Variants in ADAM19 observed in about 807,000 individuals in gnomAD.
The protein encoded by ADAM19 is disintegrin and metalloproteinase domain-containing protein 19.
Under a neutral mutation model 114.7 loss-of-function variants are expected in ADAM19, and 65 were observed. The observed-to-expected ratio is 0.57, with a 90% CI of 0.46 to 0.70. ADAM19 has a LOEUF of 0.70. ADAM19 is among the 30% of genes least tolerant of loss of function. The probability of loss-of-function intolerance (pLI) is 0.00; values close to 1 mark genes in which losing one functional copy is unlikely to be tolerated. For synonymous variants in ADAM19, 466 were observed against 460.5 expected (o/e 1.01, Z -0.15); for missense variants, 1,063 against 1,204.7 (o/e 0.88, Z 1.74).
At chr5:157,552,677 CAAAAAAA>C (rs778402112) in intron 3 of ADAM19, among the ~76,000 whole-genome samples, 1,712 of 59,414 alleles carry the variant, frequency 0.029, 34 homozygotes, top group African/African-American at 0.1. Context: ...GGACTCTACT[CAAAAAAA>C]AAAAAAAAAA....
At chr5:157,561,394 T>A (rs1354660572) in intron 3 of ADAM19, among the ~76,000 whole-genome samples, 1 of 152,136 alleles carries the variant, frequency 6.6e-6, no homozygotes, top group African/African-American at 2.4e-5. Context: ...CATTAATACG[T>A]GGGCTTTGAT....
At chr5:157,549,946 C>T (rs1341376738) in intron 3 of ADAM19, among the ~76,000 whole-genome samples, 2 of 152,174 alleles carry the variant, frequency 1.3e-5, no homozygotes, top group African/African-American at 4.8e-5. Flanking sequence ...CATACTACAA[C>T]ACGAATAAAC....
intron 4 of ADAM19, among the ~76,000 whole-genome samples, chr5:157,536,891 AT>A (rs1756783448): frequency 6.6e-6 from 1 of 152,204 alleles, no homozygotes; most frequent in East Asian, 1.9e-4. Flanking sequence ...TCAGTAGTCC[AT>A]TATGTCCTGC....
intron 21 of ADAM19, among the ~76,000 whole-genome samples, chr5:157,485,531 T>C (rs1344449314): frequency 6.6e-6 from 1 of 152,196 alleles, no homozygotes; most frequent in Non-Finnish European, 1.5e-5. Context: ...GTCACCACTG[T>C]CCTCTTCCTA....
At chr5:157,533,757 G>A (rs1461960968) in intron 4 of ADAM19, among the ~76,000 whole-genome samples, 3 of 152,022 alleles carry the variant, frequency 2.0e-5, no homozygotes, top group African/African-American at 7.3e-5. Flanking sequence ...ATGAGGTCAA[G>A]AGATCTAGAC....
At chr5:157,495,547 C>T (rs1369493628) in intron 14 of ADAM19, among the ~76,000 whole-genome samples, 1 of 152,196 alleles carries the variant, frequency 6.6e-6, no homozygotes, top group Non-Finnish European at 1.5e-5. Flanking sequence ...TCTAAAGATA[C>T]TTAAATCTCT....
Position 157,509,432 on chromosome 5 carries a change from C to G in ADAM19, c.774G>C (p.Val258=). The G allele has an allele frequency of 6.2e-7, 1 of 1,609,570 alleles. No homozygotes were observed. Among genetic ancestry groups the G allele is most frequent in the Non-Finnish European group, 8.5e-7 (1 of 1,177,526 alleles). ...TCCCGTGGGTCCACACTTCCAAGCC[C>G]ACGAGAGCAATCCGGATGTTCAAGG... ...YRSLNIRIAL[V]GLEVWTHGNM... The change falls in exon 9 of 23, where the codon GTG becomes GTC. Residue 258 remains valine, a synonymous_variant. Coordinates refer to ENST00000257527, the MANE Select transcript of ADAM19 (RefSeq NM_033274.5).
intron 3 of ADAM19, among the ~76,000 whole-genome samples, chr5:157,553,004 TG>T (rs1561554303): frequency 6.6e-6 from 1 of 152,120 alleles, no homozygotes; most frequent in Non-Finnish European, 1.5e-5. Flanking sequence ...ATTGAACTCC[TG>T]GGCAGAAAGA....
Position 157,479,577 on chromosome 5 carries a change from G to C in ADAM19, c.*1372C>G. Reference sequence around the variant, plus strand: ...GGCCCTCCTTCCCTGCTGCAGGGAAGACAGGAGCCACCGCAGACCCCCTCA... The same window carrying C: ...GGCCCTCCTTCCCTGCTGCAGGGAACACAGGAGCCACCGCAGACCCCCTCA... On this transcript the variant is annotated 3_prime_UTR_variant, in exon 23 of 23. Transcript: ENST00000257527. 1.0e-6 allele frequency: 1 copy of C among 985,912 alleles called. No individual in the cohort carries two copies. 61.1% of individuals were successfully genotyped at this position (985,912 alleles called of 1,614,324 possible). A position where few individuals can be genotyped will look rare whatever the true frequency, so the allele number is the denominator to read the frequency against.
rs745796954 is a variant in ADAM19, at chr5:157,493,132, C to A, written c.1749G>T (p.Arg583=). ...GKIQCQSSEA[R]PLESNAVPID... is the part of the protein sequence containing the mutation. ...TGGGCACCGCGTTGGACTCCAGGGG[C>A]CGGGCCTCAGAGCTCTGACACTGGA... is the stretch of plus-strand genomic sequence containing the variant. Residue 583 remains arginine, a synonymous_variant, in exon 16 of 23, where the codon CGG becomes CGT. Coordinates refer to ENST00000257527, the MANE Select transcript of ADAM19 (RefSeq NM_033274.5). 3.7e-6 allele frequency: 6 copies of A among 1,614,198 alleles called. No individual in the cohort carries two copies. The South Asian group carries it at 5.5e-5, about 15-fold the overall frequency.
intron 12 of ADAM19, among the ~76,000 whole-genome samples, chr5:157,501,682 G>A (rs903823901): frequency 6.6e-6 from 1 of 150,776 alleles, no homozygotes; most frequent in East Asian, 2.0e-4. Context: ...TGGTGGTGGG[G>A]GTGGCATCCT....
chr5:157,570,660 T>C, intron 2 of ADAM19: 1 of 446,370 alleles, frequency 2.2e-6, no homozygotes, highest in Non-Finnish European at 4.0e-6. Flanking sequence ...TTAGCTTGTG[T>C]CAGCATTAAT....
chr5:157,525,570 CCCCCACTGACCACCCA>C (rs2113748897), intron 5 of ADAM19, among the ~76,000 whole-genome samples: 2 of 152,258 alleles, frequency 1.3e-5, no homozygotes, highest in South Asian at 4.2e-4. Context: ...CCTGACCTCA[CCCCCACTGACCACCCA>C]CCCCACTCCC....
At chr5:157,535,439 C>T (rs1231130700) in intron 4 of ADAM19, among the ~76,000 whole-genome samples, 1 of 152,218 alleles carries the variant, frequency 6.6e-6, no homozygotes, top group Non-Finnish European at 1.5e-5. Context: ...TTATTCCATT[C>T]CCATTTTTCA....
intron 1 of ADAM19, among the ~76,000 whole-genome samples, chr5:157,575,260 G>C (rs1045348348): frequency 6.6e-6 from 1 of 152,210 alleles, no homozygotes; most frequent in African/African-American, 2.4e-5. Context: ...AGGCGGAGCG[G>C]ACACGAGGGA....
chr5:157,478,732 C>T lies in ADAM19; in HGVS notation c.*2217G>A. On this transcript the variant is annotated 3_prime_UTR_variant, in exon 23 of 23. Coordinates refer to ENST00000257527, the MANE Select transcript of ADAM19 (RefSeq NM_033274.5). ...CACCATCTTCCAGTTCACAGTACAA[C>T]TTTATGGGATGGAGGTGATATGAAA... The T allele has an allele frequency of 2.0e-6, 2 of 985,814 alleles. No individual in the cohort carries two copies. The highest frequency in any genetic ancestry group is 2.4e-6 in the Non-Finnish European group (2 of 829,948). 61.1% of individuals were successfully genotyped at this position (985,814 alleles called of 1,614,324 possible). A position where few individuals can be genotyped will look rare whatever the true frequency, so the allele number is the denominator to read the frequency against.
intron 7 of ADAM19, among the ~76,000 whole-genome samples, chr5:157,517,842 C>T (rs1008661373): frequency 3.3e-5 from 5 of 152,204 alleles, no homozygotes; most frequent in Admixed American, 1.3e-4. Context: ...GGCTGAACTG[C>T]TATGCCTTTA....
intron 14 of ADAM19, among the ~76,000 whole-genome samples, chr5:157,496,016 T>C (rs1046975332): frequency 1.4e-5 from 2 of 139,228 alleles, no homozygotes; most frequent in African/African-American, 5.4e-5. Context: ...AGTGGCTCAC[T>C]GCAGCCTCAA....
intron 11 of ADAM19, among the ~76,000 whole-genome samples, chr5:157,503,278 T>C (rs1349690370): frequency 1.3e-5 from 2 of 151,942 alleles, no homozygotes; most frequent in African/African-American, 4.8e-5. Context: ...CACTCATAGG[T>C]GGGAACTGAA....
Sources: gnomAD v4.1 joint callset for allele counts (sites outside exome capture counted in the v4.1 genomes callset) on GRCh38, gnomAD v4.1.1 for gene constraint, MANE v1.5 for transcripts, NCBI Gene and HGNC (gene_info 2026-07-23, HGNC 2026-07-21) for gene names.